The following GMDS variants were observed in gnomAD, a reference collection of about 807,000 sequenced individuals.
The protein encoded by GMDS is GDP-mannose 4,6-dehydratase.
GMDS carries 20 observed loss-of-function variants against 49.9 expected under a neutral mutation model. The ratio of observed to expected loss-of-function variants is 0.40; its 90% confidence interval spans 0.28 to 0.58. GMDS has a LOEUF of 0.58. Among genes scored for constraint, GMDS ranks in the 20% least tolerant of loss-of-function variants. GMDS has a pLI of 0.42. For synonymous variants in GMDS, 177 were observed against 178.6 expected, an observed-to-expected ratio of 0.99 and a Z score of 0.07; for missense variants, 362 against 481.4, an observed-to-expected ratio of 0.75 and a Z score of 2.32.
intron 1 of GMDS, among the ~76,000 whole-genome samples, chr6:2,177,654 T>TA (rs1778344981): frequency 6.6e-6 from 1 of 152,038 alleles, no homozygotes; most frequent in Non-Finnish European, 1.5e-5. Flanking sequence ...CCTTTCGTGA[T>TA]AAAAACCCTC....
chr6:1,797,586 C>T (rs1452041670), intron 7 of GMDS, among the ~76,000 whole-genome samples: 2 of 152,232 alleles, frequency 1.3e-5, no homozygotes, highest in South Asian at 2.1e-4. Context: ...TCCAAAGCTA[C>T]ACACATTAAT....
chr6:2,180,938 C>T (rs1339163236), intron 1 of GMDS, among the ~76,000 whole-genome samples: 3 of 151,936 alleles, frequency 2.0e-5, no homozygotes, highest in East Asian at 1.9e-4. Context: ...GAGGCTGAGG[C>T]GGGCAGATCA....
intron 9 of GMDS, among the ~76,000 whole-genome samples, chr6:1,722,062 C>CTTTTTTTTT (rs11356149): frequency 6.2e-5 from 5 of 80,232 alleles, no homozygotes; most frequent in Non-Finnish European, 2.3e-5. Flanking sequence ...GCTATCACGT[C>CTTTTTTTTT]TTTTTTTTTT....
intron 4 of GMDS, among the ~76,000 whole-genome samples, chr6:2,098,595 C>T (rs1160026393): frequency 1.3e-5 from 2 of 152,068 alleles, no homozygotes; most frequent in East Asian, 3.9e-4. Flanking sequence ...AAAGCAAACC[C>T]TGCACTGAAC....
At chr6:1,656,047 G>A (rs1763869533) in intron 9 of GMDS, among the ~76,000 whole-genome samples, 1 of 152,230 alleles carries the variant, frequency 6.6e-6, no homozygotes, top group Admixed American at 6.5e-5. Flanking sequence ...GTGCGTGGTG[G>A]AGCTGATGCT....
intron 2 of GMDS, among the ~76,000 whole-genome samples, chr6:2,121,916 G>A (rs1017821302): frequency 9.2e-5 from 14 of 152,160 alleles, no homozygotes; most frequent in African/African-American, 2.9e-4. Flanking sequence ...GTTTCAAAAT[G>A]CACAGCTGGC....
chr6:1,963,728 G>A (rs1377843124), intron 4 of GMDS, among the ~76,000 whole-genome samples: 2 of 152,126 alleles, frequency 1.3e-5, no homozygotes, highest in Non-Finnish European at 2.9e-5. Flanking sequence ...GCATTGAGAA[G>A]GCCTTGGGAG....
At chr6:1,796,629 C>A (rs1320155048) in intron 7 of GMDS, among the ~76,000 whole-genome samples, 3 of 152,204 alleles carry the variant, frequency 2.0e-5, no homozygotes, top group African/African-American at 7.2e-5. Context: ...TAATATTGAA[C>A]TTCTACATAC....
chr6:1,807,196 C>G (rs1484157902), intron 7 of GMDS, among the ~76,000 whole-genome samples: 1 of 152,052 alleles, frequency 6.6e-6, no homozygotes, highest in Non-Finnish European at 1.5e-5. Context: ...TCTGTACCAC[C>G]ATGCCTGGCA....
intron 9 of GMDS, among the ~76,000 whole-genome samples, chr6:1,652,427 TAATATA>T (rs1763692989): frequency 3.1e-4 from 7 of 22,416 alleles, no homozygotes; most frequent in African/African-American, 6.7e-4. Context: ...AATATATATA[TAATATA>T]TTATATATAT....
At chr6:2,124,912 G>A (rs1581684379) in intron 1 of GMDS, among the ~76,000 whole-genome samples, 181 bp from the exon 2 acceptor site, 1 of 152,130 alleles carries the variant, frequency 6.6e-6, no homozygotes, top group Non-Finnish European at 1.5e-5. Flanking sequence ...TATACACAAA[G>A]CATTTTCACA....
chr6:1,732,946 A>G (rs1766868837), intron 8 of GMDS, among the ~76,000 whole-genome samples: 1 of 152,228 alleles, frequency 6.6e-6, no homozygotes, highest in African/African-American at 2.4e-5. Flanking sequence ...CCCTCCCCGC[A>G]GGCCCCTCTA....
At chr6:1,871,836 A>G (rs1450198117) in intron 7 of GMDS, among the ~76,000 whole-genome samples, 1 of 152,266 alleles carries the variant, frequency 6.6e-6, no homozygotes, top group Non-Finnish European at 1.5e-5. Context: ...CATTAACAGC[A>G]CGGCAAGTTA....
chr6:2,081,010 T>C (rs1772659517), intron 4 of GMDS, among the ~76,000 whole-genome samples: 1 of 152,016 alleles, frequency 6.6e-6, no homozygotes. Context: ...TGAGAAAATA[T>C]CCCCCAACTT....
At chr6:2,089,933 C>T (rs1418124803) in intron 4 of GMDS, among the ~76,000 whole-genome samples, 2 of 152,120 alleles carry the variant, frequency 1.3e-5, no homozygotes, top group African/African-American at 2.4e-5. Context: ...AGGCATAATT[C>T]ACCATAAATC....
chr6:1,870,379 C>T (rs1321243538), intron 7 of GMDS, among the ~76,000 whole-genome samples: 2 of 152,180 alleles, frequency 1.3e-5, no homozygotes, highest in African/African-American at 4.8e-5. Flanking sequence ...AACGAAGATA[C>T]GCCCAACCCT....
chr6:2,119,612 G>A (rs1033613758), intron 2 of GMDS, among the ~76,000 whole-genome samples: 7 of 152,080 alleles, frequency 4.6e-5, no homozygotes, highest in African/African-American at 1.2e-4. Flanking sequence ...TGAGATTAGC[G>A]GCTTTCTCTT....
intron 4 of GMDS, among the ~76,000 whole-genome samples, chr6:2,103,841 T>C (rs866062864): frequency 6.6e-6 from 1 of 152,250 alleles, no homozygotes; most frequent in African/African-American, 2.4e-5. Flanking sequence ...TATTTAGGAA[T>C]GTTAATTAAG....
intron 7 of GMDS, among the ~76,000 whole-genome samples, chr6:1,918,413 C>T (rs1761522027): frequency 1.3e-5 from 2 of 152,080 alleles, no homozygotes; most frequent in South Asian, 4.1e-4. Context: ...TATCCTTCTG[C>T]CTTTCCATTT....
Sources: gnomAD v4.1 joint callset for allele counts (sites outside exome capture counted in the v4.1 genomes callset) on GRCh38, gnomAD v4.1.1 for gene constraint, MANE v1.5 for transcripts, NCBI Gene and HGNC (gene_info 2026-07-23, HGNC 2026-07-21) for gene names.